NTM: variants seen among roughly 807,000 people sequenced by gnomAD.
The protein encoded by NTM is IgLON family member 2.
NTM carries 13 observed loss-of-function variants against 42.1 expected under a neutral mutation model. The observed-to-expected ratio is 0.31, with a 90% CI of 0.20 to 0.49. NTM has a LOEUF of 0.49. NTM is among the 20% of genes least tolerant of loss of function. The pLI, the probability that NTM is intolerant of heterozygous loss-of-function variation, is 0.99. For synonymous variants in NTM, 187 were observed against 179.2 expected (o/e 1.04, Z -0.35); for missense variants, 373 against 452.8 (o/e 0.82, Z 1.60).
At chr11:131,674,872 G>A (rs1378196776) in intron 1 of NTM, among the ~76,000 whole-genome samples, 1 of 152,196 alleles carries the variant, frequency 6.6e-6, no homozygotes, top group African/African-American at 2.4e-5. Context: ...GGGGCTCATA[G>A]TTTACAGAAT....
At chr11:131,420,802 A>C (rs1310892777) in intron 1 of NTM, among the ~76,000 whole-genome samples, 2 of 152,174 alleles carry the variant, frequency 1.3e-5, no homozygotes, top group Non-Finnish European at 2.9e-5. Flanking sequence ...TTTTTTATAA[A>C]AGTCCATTTT....
At chr11:131,619,831 T>C (rs75363067) in intron 1 of NTM, among the ~76,000 whole-genome samples, 2 of 151,644 alleles carry the variant, frequency 1.3e-5, no homozygotes, top group African/African-American at 2.4e-5. Context: ...TTTTTTTTTT[T>C]CCTTGCTCTG....
At chr11:132,194,300 AG>A (rs1201485642) in intron 3 of NTM, among the ~76,000 whole-genome samples, 1 of 152,204 alleles carries the variant, frequency 6.6e-6, no homozygotes, top group Non-Finnish European at 1.5e-5. Context: ...CTGGGATGCA[AG>A]GGTGGTTCAA....
chr11:131,881,114 C>T (rs1257152785), intron 1 of NTM, among the ~76,000 whole-genome samples: 1 of 152,090 alleles, frequency 6.6e-6, no homozygotes, highest in Non-Finnish European at 1.5e-5. Flanking sequence ...CCATAGTTTC[C>T]ACCCTGGTTT....
chr11:131,794,867 C>A, intron 1 of NTM: 1 of 985,346 alleles, frequency 1.0e-6, no homozygotes, highest in African/African-American at 1.7e-5. Context: ...TAACGGCCTC[C>A]ACAGAGAATA....
intron 2 of NTM, among the ~76,000 whole-genome samples, chr11:132,019,188 C>CAAA (rs1377198958): frequency 6.6e-6 from 1 of 151,496 alleles, no homozygotes; most frequent in Non-Finnish European, 1.5e-5. Context: ...ATTATTATAT[C>CAAA]ACTTGTTCTG....
chr11:131,505,658 G>A (rs945033993), intron 1 of NTM, among the ~76,000 whole-genome samples: 1 of 152,280 alleles, frequency 6.6e-6, no homozygotes. Flanking sequence ...CCATGGCAGA[G>A]TGTGTTAATC....
chr11:131,377,924 G>A (rs1040231893), intron 1 of NTM, among the ~76,000 whole-genome samples: 1 of 152,164 alleles, frequency 6.6e-6, no homozygotes, highest in Non-Finnish European at 1.5e-5. Context: ...ATTCTTCCAA[G>A]TCCAGTGGTC....
chr11:131,393,727 C>T (rs975244706), intron 1 of NTM, among the ~76,000 whole-genome samples: 3 of 152,230 alleles, frequency 2.0e-5, no homozygotes, highest in African/African-American at 7.2e-5. Flanking sequence ...CCCCACCAAT[C>T]GCTGCCTAGC....
At chr11:131,418,410 C>G (rs1308503388) in intron 1 of NTM, among the ~76,000 whole-genome samples, 1 of 151,900 alleles carries the variant, frequency 6.6e-6, no homozygotes, top group East Asian at 1.9e-4. Flanking sequence ...GTCGCCACAT[C>G]TGTGAAGGTC....
chr11:131,766,783 T>G (rs912414128), intron 1 of NTM, among the ~76,000 whole-genome samples: 1 of 152,184 alleles, frequency 6.6e-6, no homozygotes, highest in Admixed American at 6.5e-5. Context: ...CTGACGATTT[T>G]CCTTTTCAAT....
At chr11:131,868,244 C>T (rs1233279511) in intron 1 of NTM, among the ~76,000 whole-genome samples, 1 of 152,122 alleles carries the variant, frequency 6.6e-6, no homozygotes, top group African/African-American at 2.4e-5. Flanking sequence ...GTTTCCTCGC[C>T]CTCACTCTGT....
intron 1 of NTM, among the ~76,000 whole-genome samples, chr11:131,770,363 T>A (rs1383672344): frequency 1.3e-5 from 2 of 152,140 alleles, no homozygotes; most frequent in African/African-American, 4.8e-5. Context: ...CTTAGAGAGC[T>A]GGAGTCATCA....
chr11:131,966,292 T>C (rs1260020473), intron 2 of NTM, among the ~76,000 whole-genome samples: 1 of 152,174 alleles, frequency 6.6e-6, no homozygotes, highest in Non-Finnish European at 1.5e-5. Context: ...GAATAGGCAC[T>C]GCTAAAGGAG....
intron 1 of NTM, among the ~76,000 whole-genome samples, chr11:131,415,663 C>T (rs1946869063): frequency 6.6e-6 from 1 of 152,092 alleles, no homozygotes; most frequent in Admixed American, 6.5e-5. Flanking sequence ...AGCAGATTCC[C>T]AGGCTCAACT....
chr11:131,612,645 C>A (rs1449963940), intron 1 of NTM, among the ~76,000 whole-genome samples: 3 of 152,216 alleles, frequency 2.0e-5, no homozygotes, highest in Non-Finnish European at 4.4e-5. Context: ...ACAGATGAAG[C>A]ACTTTACATT....
intron 4 of NTM, among the ~76,000 whole-genome samples, chr11:132,261,259 T>C (rs2092833203): frequency 6.6e-6 from 1 of 152,190 alleles, no homozygotes; most frequent in Non-Finnish European, 1.5e-5. Flanking sequence ...GGCCTTAACA[T>C]GTCACCTCAT....
chr11:132,066,355 C>A (rs148318441), intron 2 of NTM, among the ~76,000 whole-genome samples: 1,933 of 152,306 alleles, frequency 0.013, 41 homozygotes, highest in African/African-American at 0.044. Flanking sequence ...TGTATTAGAG[C>A]TAGCTGGATA....
At chr11:132,037,124 G>T (rs1215926467) in intron 2 of NTM, among the ~76,000 whole-genome samples, 1 of 152,034 alleles carries the variant, frequency 6.6e-6, no homozygotes, top group East Asian at 1.9e-4. Flanking sequence ...CTAATAGAAG[G>T]TGTTTGGACC....
Sources: allele counts gnomAD v4.1 joint callset (sites outside exome capture counted in the v4.1 genomes callset), GRCh38; gene constraint gnomAD v4.1.1; transcripts MANE v1.5; gene names NCBI Gene and HGNC (gene_info 2026-07-23, HGNC 2026-07-21).